ZFHX3: variants seen among roughly 807,000 people sequenced by gnomAD.
ZFHX3 encodes the protein zinc finger homeobox 3.
In ZFHX3, 42 loss-of-function variants were observed where a neutral mutation model predicts 279.1. The ratio of observed to expected loss-of-function variants is 0.15; its 90% CI spans 0.12 to 0.19. The LOEUF (loss-of-function observed/expected upper bound fraction) is 0.19. ZFHX3 is among the 10% of genes least tolerant of loss of function. The pLI is 1.00. For missense variants in ZFHX3, 4,981 were observed against 4,754.0 expected, an observed-to-expected ratio of 1.05 and a Z score of -1.40; for synonymous variants, 2,293 against 1,957.8, an observed-to-expected ratio of 1.17 and a Z score of -4.52.
chr16:72,797,266 C>G lies in ZFHX3; in HGVS notation c.5416G>C (p.Glu1806Gln). The G allele has an allele frequency of 1.9e-6, 3 of 1,612,526 alleles. No homozygotes were observed. Among genetic ancestry groups the G allele is most frequent in the Non-Finnish European group, 1.7e-6 (2 of 1,179,084 alleles). Reference sequence around the variant, plus strand: ...CTCACCTCGGGGTTAAGCTGGAACTCAGCACTGGGGATGTAGAAAGGGAAG... The same window carrying G: ...CTCACCTCGGGGTTAAGCTGGAACTGAGCACTGGGGATGTAGAAAGGGAAG... The part of the protein sequence containing the change: ...LLFPFYIPSA[E>Q]FQLNPEVSLP... Residue 1806 changes from glutamate to glutamine, a missense_variant, in exon 9 of 10, where the codon GAG (glutamate) becomes CAG (glutamine). Physicochemically the swap from Glu to Gln is conservative, Grantham distance 29 (BLOSUM62 2). Coordinates refer to ENST00000268489, the MANE Select transcript of ZFHX3 (RefSeq NM_006885.4).
chr16:73,418,618 A>G (rs2017647392), intron 3 of ZFHX3, among the ~76,000 whole-genome samples: 1 of 152,214 alleles, frequency 6.6e-6, no homozygotes, highest in Non-Finnish European at 1.5e-5. Context: ...CCTGCCTTCC[A>G]TTATATATAC....
At chr16:72,932,467 G>GAAA (rs77027785) in intron 3 of ZFHX3, among the ~76,000 whole-genome samples, 1 of 145,040 alleles carries the variant, frequency 6.9e-6, no homozygotes, top group East Asian at 2.0e-4. Context: ...ATCCCTTTGG[G>GAAA]AAAAAAAAAA....
At chr16:72,803,864 T>A (rs922985091) in intron 7 of ZFHX3, among the ~76,000 whole-genome samples, 2 of 152,234 alleles carry the variant, frequency 1.3e-5, no homozygotes, top group Non-Finnish European at 1.5e-5. Context: ...TCTCTCAAGG[T>A]TGGCCTCTGC....
intron 1 of ZFHX3, among the ~76,000 whole-genome samples, chr16:73,870,093 G>A (rs1962122931): frequency 6.6e-6 from 1 of 152,200 alleles, no homozygotes; most frequent in Non-Finnish European, 1.5e-5. Context: ...ACGTAGGAAG[G>A]TCAAAATTTC....
chr16:72,900,966 G>A (rs2039019812), intron 3 of ZFHX3, among the ~76,000 whole-genome samples: 1 of 152,184 alleles, frequency 6.6e-6, no homozygotes, highest in Non-Finnish European at 1.5e-5. Flanking sequence ...TTAAATTCTA[G>A]CAAACTGCAC....
chr16:72,940,690 G>A (rs117590964), intron 3 of ZFHX3, among the ~76,000 whole-genome samples: 15 of 152,332 alleles, frequency 9.8e-5, no homozygotes, highest in Non-Finnish European at 2.1e-4. Flanking sequence ...TGCACAGGCC[G>A]GCCCTGCCAA....
At position 72,863,340 on chromosome 16, in the gene ZFHX3, TAA is replaced by T. The variant is rs66692129; in HGVS notation, c.3448+26389_3448+26390del. On this transcript the variant is annotated intron_variant, in intron 4 of 9. Coordinates refer to ENST00000268489, the MANE Select transcript of ZFHX3 (RefSeq NM_006885.4). ...CAACACGGCAAAATCTCATCTCTACTAAAAAAAAAAAAAAAAAAAAAAAAAAA... is the reference window on the plus strand; with the variant it reads ...CAACACGGCAAAATCTCATCTCTACTAAAAAAAAAAAAAAAAAAAAAAAAA... 6.8e-3 allele frequency among the ~76,000 whole-genome samples: 442 copies of T among 64,622 alleles called. 1 individual carries two copies. Among genetic ancestry groups the T allele is most frequent in the Non-Finnish European group, 9.8e-3 (370 of 37,688 alleles). The allele number at this position is 64,622 out of a possible 152,430, so 42.4% of individuals were successfully genotyped here. A position where few individuals can be genotyped will look rare whatever the true frequency, so the allele number is the denominator to read the frequency against.
intron 3 of ZFHX3, among the ~76,000 whole-genome samples, chr16:73,395,947 T>A (rs1597316950): frequency 6.6e-6 from 1 of 152,252 alleles, no homozygotes; most frequent in Non-Finnish European, 1.5e-5. Context: ...CTTAGAGTTA[T>A]ACTTTTAACA....
intron 5 of ZFHX3, among the ~76,000 whole-genome samples, chr16:73,250,964 C>G (rs746695226): frequency 6.6e-6 from 1 of 152,132 alleles, no homozygotes; most frequent in Non-Finnish European, 1.5e-5. Context: ...TCTTTGCCAG[C>G]TCCTGGTCTC....
chr16:73,509,595 G>T (rs1325280874), intron 2 of ZFHX3, among the ~76,000 whole-genome samples: 1 of 145,552 alleles, frequency 6.9e-6, no homozygotes, highest in African/African-American at 2.6e-5. Flanking sequence ...CACAATCTTG[G>T]CTCACTGCAA....
chr16:73,632,497 C>T (rs1240736709), intron 2 of ZFHX3, among the ~76,000 whole-genome samples: 3 of 150,910 alleles, frequency 2.0e-5, no homozygotes, highest in African/African-American at 7.3e-5. Context: ...CTTATCCTGG[C>T]CAACATGGTG....
rs199992763 is a variant in ZFHX3, at chr16:72,811,917, G to C, written c.3651C>G (p.Ile1217Met). The C allele has an allele frequency of 6.2e-6, 10 of 1,609,408 alleles. No homozygotes were observed. Among genetic ancestry groups the C allele is most frequent in the Non-Finnish European group, 1.7e-6 (2 of 1,177,568 alleles). The change falls in exon 6 of 10, where the codon ATC (isoleucine) becomes ATG (methionine). Residue 1217 changes from isoleucine to methionine, a missense_variant. Coordinates refer to ENST00000268489, the MANE Select transcript of ZFHX3 (RefSeq NM_006885.4). ...CTTCCAGCCTCACCTGCTCCGGTTT[G>C]ATCTCCTCAGCTGTTTTTGGTCGCT... ...SSKRPKTAEE[I>M]KPEQMYQCPY...
intron 1 of ZFHX3, among the ~76,000 whole-genome samples, chr16:72,965,475 G>A (rs972529598): frequency 1.3e-5 from 2 of 152,178 alleles, no homozygotes; most frequent in African/African-American, 4.8e-5. Flanking sequence ...CCAATATCCT[G>A]ATTTTTAAAG....
At chr16:73,155,982 C>G (rs554580614) in intron 5 of ZFHX3, among the ~76,000 whole-genome samples, 2 of 152,040 alleles carry the variant, frequency 1.3e-5, no homozygotes, top group Admixed American at 6.6e-5. Flanking sequence ...CCTGTAATCT[C>G]AGCACTTTGG....
intron 3 of ZFHX3, among the ~76,000 whole-genome samples, chr16:73,344,074 A>G (rs1284049827): frequency 6.6e-6 from 1 of 152,218 alleles, no homozygotes; most frequent in Non-Finnish European, 1.5e-5. Context: ...TCACTTCAAA[A>G]TATCTCTCCA....
chr16:73,184,667 T>C (rs1967873172), intron 5 of ZFHX3, among the ~76,000 whole-genome samples: 1 of 152,154 alleles, frequency 6.6e-6, no homozygotes, highest in Non-Finnish European at 1.5e-5. Flanking sequence ...GCTTGCAGGG[T>C]CCTAGAACAT....
chr16:73,818,674 T>C (rs1168693015), intron 1 of ZFHX3, among the ~76,000 whole-genome samples: 1 of 152,186 alleles, frequency 6.6e-6, no homozygotes, highest in East Asian at 1.9e-4. Flanking sequence ...TTAACAAAAA[T>C]GCCTTCAAGG....
chr16:73,193,791 T>A (rs1393812187), intron 5 of ZFHX3, among the ~76,000 whole-genome samples: 1 of 152,226 alleles, frequency 6.6e-6, no homozygotes, highest in East Asian at 1.9e-4. Context: ...CCTGCCTCTC[T>A]GTGTTTCAGC....
At chr16:73,248,674 C>T (rs898442672) in intron 5 of ZFHX3, among the ~76,000 whole-genome samples, 3 of 133,318 alleles carry the variant, frequency 2.3e-5, no homozygotes, top group African/African-American at 6.0e-5. Flanking sequence ...TGCACGTGCA[C>T]GTGTGTGTTG....
Sources: allele counts gnomAD v4.1 joint callset (sites outside exome capture counted in the v4.1 genomes callset), GRCh38; gene constraint gnomAD v4.1.1; transcripts MANE v1.5; gene names NCBI Gene and HGNC (gene_info 2026-07-23, HGNC 2026-07-21).